TOX3: variants seen among roughly 807,000 people sequenced by gnomAD.
The protein encoded by TOX3 is CAG trinucleotide repeat-containing gene F9 protein.
In TOX3, 22 loss-of-function variants were observed where a neutral mutation model predicts 64.3. The ratio of observed to expected loss-of-function variants is 0.34; its 90% CI spans 0.24 to 0.49. TOX3 has a LOEUF of 0.49. Among genes scored for constraint, TOX3 ranks in the 20% least tolerant of loss-of-function variants. The pLI, the probability that TOX3 is intolerant of heterozygous loss-of-function variation, is 0.99. For missense variants in TOX3, 661 were observed against 714.4 expected, an observed-to-expected ratio of 0.93 and a Z score of 0.85; for synonymous variants, 291 against 273.6, an observed-to-expected ratio of 1.06 and a Z score of -0.63.
chr16:52,449,454 G>C (rs937995635), intron 4 of TOX3, among the ~76,000 whole-genome samples: 13 of 152,108 alleles, frequency 8.5e-5, no homozygotes, highest in Admixed American at 5.9e-4. Context: ...TCTCAGTAAA[G>C]TCTTCCTCAA....
chr16:52,471,932 T>G (rs1386570002), intron 1 of TOX3, among the ~76,000 whole-genome samples: 2 of 152,184 alleles, frequency 1.3e-5, no homozygotes, highest in African/African-American at 2.4e-5. Context: ...CCTCCCTACC[T>G]CATGATCTCT....
chr16:52,523,126 G>A (rs1272954033), intron 1 of TOX3, among the ~76,000 whole-genome samples: 6 of 152,142 alleles, frequency 3.9e-5, no homozygotes, highest in Non-Finnish European at 7.4e-5. Flanking sequence ...GCAATGAGGT[G>A]CCCATCAAAG....
At position 52,439,857 on chromosome 16, in the gene TOX3, T is replaced by C; in HGVS notation, c.1099A>G (p.Thr367Ala). The C allele has an allele frequency of 6.2e-7, 1 of 1,613,822 alleles. No individual in the cohort carries two copies. Among genetic ancestry groups the C allele is most frequent in the Non-Finnish European group, 8.5e-7 (1 of 1,179,830 alleles). Residue 367 changes from threonine to alanine, a missense_variant, in exon 7 of 7, where the codon ACA (threonine) becomes GCA (alanine). Thr to Ala is a moderately conservative substitution (Grantham distance 58, BLOSUM62 0). This residue lies in a region of TOX3 where 299 missense variants were observed against 292.1 expected (regional missense o/e 1.02). Coordinates refer to ENST00000219746, the MANE Select transcript of TOX3 (RefSeq NM_001080430.4). ...LLNTPLSQHG[T>A]VSASPQTLQQ... ...AGAGTCTGAGGTGATGCTGACACTG[T>C]TCCATGTTGAGACAGTGGAGTGTTG...
At chr16:52,540,183 C>A (rs1184180834) in intron 1 of TOX3, among the ~76,000 whole-genome samples, 1 of 151,784 alleles carries the variant, frequency 6.6e-6, no homozygotes, top group Non-Finnish European at 1.5e-5. Context: ...AGTTCAAGAC[C>A]AACCCTGGTG....
At chr16:52,509,473 A>G (rs531515584) in intron 1 of TOX3, among the ~76,000 whole-genome samples, 1 of 152,258 alleles carries the variant, frequency 6.6e-6, no homozygotes, top group African/African-American at 2.4e-5. Context: ...TCTTCAGCAT[A>G]GTTCTAAAAG....
At chr16:52,483,565 T>C (rs1002759818) in intron 1 of TOX3, among the ~76,000 whole-genome samples, 2 of 37,498 alleles carry the variant, frequency 5.3e-5, no homozygotes. Flanking sequence ...GGCAGTTTGG[T>C]TTTTTTTTTT....
intron 1 of TOX3, among the ~76,000 whole-genome samples, chr16:52,492,410 A>G (rs1291694219): frequency 6.9e-6 from 1 of 145,956 alleles, no homozygotes; most frequent in African/African-American, 2.5e-5. Context: ...AAATATTATC[A>G]TCATGAATAT....
intron 1 of TOX3, among the ~76,000 whole-genome samples, chr16:52,531,068 T>C (rs1291646185): frequency 6.6e-6 from 1 of 152,194 alleles, no homozygotes; most frequent in African/African-American, 2.4e-5. Flanking sequence ...ACATGTAATA[T>C]ATTATTTTAC....
At chr16:52,518,964 T>C (rs1338451843) in intron 1 of TOX3, among the ~76,000 whole-genome samples, 1 of 152,196 alleles carries the variant, frequency 6.6e-6, no homozygotes, top group African/African-American at 2.4e-5. Flanking sequence ...TAAACACCAA[T>C]GGCAATGATT....
At chr16:52,536,235 T>A (rs1962941743) in intron 1 of TOX3, among the ~76,000 whole-genome samples, 1 of 152,052 alleles carries the variant, frequency 6.6e-6, no homozygotes. Context: ...ATAGGGTACA[T>A]GCTATGAACA....
At chr16:52,542,354 T>C (rs946552685) in intron 1 of TOX3, among the ~76,000 whole-genome samples, 4 of 152,214 alleles carry the variant, frequency 2.6e-5, no homozygotes, top group African/African-American at 9.6e-5. Flanking sequence ...CATCTACATA[T>C]GAATTTAAGA....
chr16:52,497,286 A>G (rs569594827), intron 1 of TOX3, among the ~76,000 whole-genome samples: 1 of 152,334 alleles, frequency 6.6e-6, no homozygotes, highest in South Asian at 2.1e-4. Context: ...CAGTTGTTCA[A>G]TCTATATAAA....
At chr16:52,517,515 G>A (rs902001453) in intron 1 of TOX3, among the ~76,000 whole-genome samples, 45 of 151,862 alleles carry the variant, frequency 3.0e-4, no homozygotes, top group African/African-American at 1.1e-3. Flanking sequence ...TCTATAAGTA[G>A]GAGAAGAGAA....
At chr16:52,520,307 G>C (rs1187560399) in intron 1 of TOX3, among the ~76,000 whole-genome samples, 3 of 152,132 alleles carry the variant, frequency 2.0e-5, no homozygotes, top group South Asian at 4.1e-4. Context: ...GCCCAGGCTT[G>C]GCAGCCTGGC....
intron 1 of TOX3, among the ~76,000 whole-genome samples, chr16:52,482,092 C>T (rs561628850): frequency 6.6e-6 from 1 of 152,254 alleles, no homozygotes; most frequent in South Asian, 2.1e-4. Flanking sequence ...GTTTCTTAAA[C>T]ATAACCATAA....
intron 1 of TOX3, among the ~76,000 whole-genome samples, chr16:52,479,467 G>A (rs2151447807): frequency 6.6e-6 from 1 of 152,330 alleles, no homozygotes; most frequent in South Asian, 2.1e-4. Flanking sequence ...CATGACAGCT[G>A]AAGATAAAAT....
intron 1 of TOX3, among the ~76,000 whole-genome samples, chr16:52,487,322 G>C (rs1023326792): frequency 2.0e-5 from 3 of 149,900 alleles, no homozygotes; most frequent in Non-Finnish European, 4.4e-5. Context: ...AAAAAAGAAA[G>C]AGAAAAAGAA....
intron 4 of TOX3, among the ~76,000 whole-genome samples, chr16:52,446,656 A>T (rs2151743276): frequency 6.7e-6 from 1 of 149,408 alleles, no homozygotes; most frequent in South Asian, 2.2e-4. Flanking sequence ...GTCACATGCC[A>T]TATGTGTGAT....
chr16:52,467,037 T>C (rs1960887409), intron 2 of TOX3, among the ~76,000 whole-genome samples: 1 of 152,234 alleles, frequency 6.6e-6, no homozygotes, highest in Non-Finnish European at 1.5e-5. Flanking sequence ...TTTCAATGTT[T>C]ACCTTGAACA....
Sources: allele counts gnomAD v4.1 joint callset (sites outside exome capture counted in the v4.1 genomes callset), GRCh38; gene constraint gnomAD v4.1.1; regional missense constraint gnomAD v4.1.1; transcripts MANE v1.5; gene names NCBI Gene and HGNC (gene_info 2026-07-23, HGNC 2026-07-21).